CAMK1D: variants seen among roughly 807,000 people sequenced by gnomAD.
CAMK1D encodes the protein calcium/calmodulin-dependent protein kinase type 1D.
A neutral mutation model predicts 47.7 loss-of-function variants in CAMK1D; 9 were observed. The observed-to-expected ratio is 0.19, with a 90% CI of 0.11 to 0.33. The LOEUF (loss-of-function observed/expected upper bound fraction) is 0.33. Among genes scored for constraint, CAMK1D ranks in the 10% least tolerant of loss-of-function variants. CAMK1D has a pLI of 1.00. For synonymous variants in CAMK1D, 184 were observed against 184.9 expected (o/e 0.99, Z 0.04); for missense variants, 291 against 488.7 (o/e 0.60, Z 3.81).
At chr10:12,523,646 G>A (rs1320289993) in intron 1 of CAMK1D, among the ~76,000 whole-genome samples, 1 of 152,212 alleles carries the variant, frequency 6.6e-6, no homozygotes, top group Non-Finnish European at 1.5e-5. Flanking sequence ...TCGGCAGGCT[G>A]AGGCAGGAGA....
chr10:12,693,004 G>A (rs1301179314), intron 3 of CAMK1D, among the ~76,000 whole-genome samples: 1 of 152,166 alleles, frequency 6.6e-6, no homozygotes, highest in African/African-American at 2.4e-5. Flanking sequence ...TCAATCAGTA[G>A]ACTTTGAGTA....
In CAMK1D at chr10:12,783,106, C is replaced by T. The variant is rs190500285; in HGVS notation, c.566-8052C>T. Among the ~76,000 whole-genome samples, 795 of 151,932 alleles carry T rather than the reference C, an allele frequency of 5.2e-3. 9 individuals carry two copies. Among genetic ancestry groups the T allele is most frequent in the African/African-American group, 0.018 (758 of 41,404 alleles). On this transcript the variant is annotated intron_variant, in intron 5 of 10. Coordinates refer to ENST00000619168, the MANE Select transcript of CAMK1D (RefSeq NM_153498.4). ...CTCCTCGGTCCAAGCAGTTCTCCTG[C>T]CTCAGCCTCCAGAGTAGCTGGGACT...
intron 1 of CAMK1D, among the ~76,000 whole-genome samples, chr10:12,362,571 C>A (rs1837701384): frequency 6.6e-6 from 1 of 152,194 alleles, no homozygotes; most frequent in Non-Finnish European, 1.5e-5. Context: ...CATCTCAGCT[C>A]ACTGCAAGCT....
chr10:12,504,057 G>A (rs1437267689), intron 1 of CAMK1D, among the ~76,000 whole-genome samples: 2 of 152,072 alleles, frequency 1.3e-5, no homozygotes, highest in East Asian at 3.8e-4. Flanking sequence ...AGAGTTGGAT[G>A]CTTGTATTAG....
intron 2 of CAMK1D, among the ~76,000 whole-genome samples, chr10:12,660,548 A>G (rs1197349672): frequency 1.3e-5 from 2 of 152,198 alleles, no homozygotes; most frequent in African/African-American, 2.4e-5. Flanking sequence ...GTCAGTTACT[A>G]TATGGACAGA....
chr10:12,545,851 A>G (rs1282139763), intron 1 of CAMK1D, among the ~76,000 whole-genome samples: 4 of 152,016 alleles, frequency 2.6e-5, no homozygotes, highest in Non-Finnish European at 5.9e-5. Context: ...AAGAAAAAGG[A>G]ATGAATGACG....
chr10:12,418,791 A>T (rs764553284), intron 1 of CAMK1D, among the ~76,000 whole-genome samples: 13 of 152,208 alleles, frequency 8.5e-5, no homozygotes, highest in Non-Finnish European at 1.3e-4. Context: ...TCAGTTGAGC[A>T]AAGGTTCCAA....
At chr10:12,818,478 C>G (rs1003305292) in intron 8 of CAMK1D, among the ~76,000 whole-genome samples, 1 of 152,112 alleles carries the variant, frequency 6.6e-6, no homozygotes, top group African/African-American at 2.4e-5. Flanking sequence ...CGAGACCAGC[C>G]TGGCCAACAT....
At chr10:12,480,278 T>C (rs1314869862) in intron 1 of CAMK1D, among the ~76,000 whole-genome samples, 1 of 151,894 alleles carries the variant, frequency 6.6e-6, no homozygotes, top group Non-Finnish European at 1.5e-5. Flanking sequence ...CTACTAAAAA[T>C]ACAAAAATTA....
Position 12,670,641 on chromosome 10 carries a change from G to A in CAMK1D, c.299+3831G>A, listed in dbSNP as rs550198392. Among the ~76,000 whole-genome samples the A allele has an allele frequency of 1.1e-4, 17 of 151,872 alleles. No individual in the cohort carries two copies. The South Asian group carries it at 2.7e-3, about 24-fold the overall frequency. ...TGGCTCACTGCAACCTCTGCCTCCC[G>A]GGTTCAAGCGATTCTCCTAGCTCAG... On this transcript the variant is annotated intron_variant, in intron 3 of 10. Transcript: ENST00000619168.
intron 3 of CAMK1D, among the ~76,000 whole-genome samples, chr10:12,668,792 A>C (rs1450302531): frequency 2.0e-5 from 3 of 152,226 alleles, no homozygotes; most frequent in Non-Finnish European, 4.4e-5. Flanking sequence ...ACATAAAAAC[A>C]TAAAAATGTC....
chr10:12,648,112 G>T (rs985043226), intron 2 of CAMK1D, among the ~76,000 whole-genome samples: 5 of 152,300 alleles, frequency 3.3e-5, no homozygotes, highest in Non-Finnish European at 7.4e-5. Flanking sequence ...TTGCTGTTTT[G>T]ATTTATAACT....
At chr10:12,516,196 G>C (rs1564384515) in intron 1 of CAMK1D, among the ~76,000 whole-genome samples, 4 of 152,128 alleles carry the variant, frequency 2.6e-5, no homozygotes, top group Admixed American at 2.6e-4. Context: ...TGCAAGCTCT[G>C]CCTCCTGGGT....
At chr10:12,442,082 A>T (rs1193622878) in intron 1 of CAMK1D, among the ~76,000 whole-genome samples, 1 of 152,240 alleles carries the variant, frequency 6.6e-6, no homozygotes, top group Non-Finnish European at 1.5e-5. Flanking sequence ...AGCAGTAATA[A>T]TTCTTCAAGT....
At chr10:12,387,398 T>TA (rs1838545281) in intron 1 of CAMK1D, among the ~76,000 whole-genome samples, 4 of 32,106 alleles carry the variant, frequency 1.2e-4, no homozygotes, top group Admixed American at 4.4e-4. Context: ...TATTATATAT[T>TA]TTTATATATT....
At chr10:12,745,156 G>A (rs113443600) in intron 3 of CAMK1D, among the ~76,000 whole-genome samples, 25 of 152,266 alleles carry the variant, frequency 1.6e-4, no homozygotes, top group Middle Eastern at 3.4e-3. Context: ...TCAGCCTCCC[G>A]AGTAGCTGGG....
At chr10:12,780,915 G>A (rs1444890374) in intron 5 of CAMK1D, among the ~76,000 whole-genome samples, 4 of 152,124 alleles carry the variant, frequency 2.6e-5, no homozygotes, top group Admixed American at 1.3e-4. Context: ...CCAGACCCCC[G>A]GTGTTGGAGA....
intron 5 of CAMK1D, among the ~76,000 whole-genome samples, chr10:12,771,771 C>G (rs909916030): frequency 6.6e-6 from 1 of 152,150 alleles, no homozygotes; most frequent in Non-Finnish European, 1.5e-5. Context: ...CAGTGGCTCA[C>G]GCCTGTAATC....
intron 1 of CAMK1D, among the ~76,000 whole-genome samples, chr10:12,367,792 T>C (rs1412456795): frequency 6.6e-6 from 1 of 152,066 alleles, no homozygotes; most frequent in Non-Finnish European, 1.5e-5. Flanking sequence ...TGATGAAGCT[T>C]TGCTTGGTTG....
Sources: allele counts gnomAD v4.1 joint callset (sites outside exome capture counted in the v4.1 genomes callset), GRCh38; gene constraint gnomAD v4.1.1; transcripts MANE v1.5; gene names NCBI Gene and HGNC (gene_info 2026-07-23, HGNC 2026-07-21).